Variants in FRMD4B observed in about 807,000 individuals in gnomAD.
The protein encoded by FRMD4B is FERM domain containing 4B, also known as FERM domain-containing protein 4B.
A neutral mutation model predicts 141.5 loss-of-function variants in FRMD4B; 74 were observed. That is an observed-to-expected ratio of 0.52 (90% CI 0.43 to 0.63). The LOEUF (loss-of-function observed/expected upper bound fraction) is 0.63, where lower values mean the gene tolerates loss of function less well. Among genes scored for constraint, FRMD4B ranks in the 30% least tolerant of loss-of-function variants. The pLI, the probability that FRMD4B is intolerant of heterozygous loss-of-function variation, is 0.00. For missense variants in FRMD4B, 1,366 were observed against 1,253.4 expected (o/e 1.09, Z -1.36); for synonymous variants, 506 against 467.9 (o/e 1.08, Z -1.05).
chr3:69,374,859 G>A (rs994817348), intron 1 of FRMD4B, among the ~76,000 whole-genome samples: 6 of 152,080 alleles, frequency 3.9e-5, no homozygotes, highest in Non-Finnish European at 8.8e-5. Context: ...GGTGGTGAGA[G>A]GAATGAGTCA....
At chr3:69,454,859 G>A (rs1056906096) in intron 1 of FRMD4B, among the ~76,000 whole-genome samples, 9 of 152,244 alleles carry the variant, frequency 5.9e-5, no homozygotes, top group South Asian at 2.1e-4. Context: ...TGGCCCCTGC[G>A]TGGGATCCAC....
At chr3:69,439,630 T>G (rs926856110) in intron 1 of FRMD4B, among the ~76,000 whole-genome samples, 3 of 152,164 alleles carry the variant, frequency 2.0e-5, no homozygotes, top group Non-Finnish European at 2.9e-5. Flanking sequence ...AGTAGAATCT[T>G]TGTGTGGTAG....
intron 1 of FRMD4B, among the ~76,000 whole-genome samples, chr3:69,506,990 A>G (rs1706606930): frequency 6.6e-6 from 1 of 152,220 alleles, no homozygotes; most frequent in Admixed American, 6.5e-5. Flanking sequence ...TCATATGATC[A>G]ATAAATTTTG....
Position 69,229,235 on chromosome 3 carries a change from T to C in FRMD4B, c.582-4545A>G, listed in dbSNP as rs537362928. On this transcript the variant is annotated intron_variant, in intron 7 of 22. Coordinates refer to ENST00000398540, the MANE Select transcript of FRMD4B (RefSeq NM_015123.3). ...GATATGGGGTCTCACTATGTTGACC[T>C]GGCTGATCTCAAACTCCTGGCCTCC... 1.6e-3 allele frequency among the ~76,000 whole-genome samples: 250 copies of C among 152,144 alleles called. 2 individuals carry two copies. Among genetic ancestry groups the C allele is most frequent in the African/African-American group, 5.6e-3 (233 of 41,504 alleles).
intron 1 of FRMD4B, among the ~76,000 whole-genome samples, chr3:69,348,044 G>A (rs573527741): frequency 6.6e-6 from 1 of 152,166 alleles, no homozygotes; most frequent in South Asian, 2.1e-4. Flanking sequence ...GAATCCAGGA[G>A]CTGGTTTTTT....
chr3:69,303,237 G>C (rs1032762246), intron 3 of FRMD4B, among the ~76,000 whole-genome samples: 8 of 151,942 alleles, frequency 5.3e-5, no homozygotes, highest in African/African-American at 1.7e-4. Flanking sequence ...ATGATCGCTC[G>C]AGCCCAGGTG....
chr3:69,466,524 A>G (rs1202901898), intron 1 of FRMD4B, among the ~76,000 whole-genome samples: 1 of 152,204 alleles, frequency 6.6e-6, no homozygotes, highest in African/African-American at 2.4e-5. Context: ...ATGTGCTTCA[A>G]AATAATAAGG....
intron 2 of FRMD4B, among the ~76,000 whole-genome samples, chr3:69,413,844 G>A (rs1479921774): frequency 6.6e-6 from 1 of 152,110 alleles, no homozygotes; most frequent in East Asian, 1.9e-4. Context: ...GAAGAAAATG[G>A]TGTAAACGGC....
chr3:69,175,552 C>G (rs1035380767), intron 22 of FRMD4B, among the ~76,000 whole-genome samples: 2 of 152,120 alleles, frequency 1.3e-5, no homozygotes, highest in Non-Finnish European at 2.9e-5. Flanking sequence ...TGAAATCCAG[C>G]CTACCAACTG....
chr3:69,425,295 G>C (rs927606697), intron 2 of FRMD4B, among the ~76,000 whole-genome samples: 1 of 152,186 alleles, frequency 6.6e-6, no homozygotes, highest in African/African-American at 2.4e-5. Flanking sequence ...CGTGCATGGA[G>C]TTAAAGTTCA....
intron 1 of FRMD4B, among the ~76,000 whole-genome samples, chr3:69,344,210 C>T (rs1328703544): frequency 6.6e-6 from 1 of 152,190 alleles, no homozygotes; most frequent in Non-Finnish European, 1.5e-5. Context: ...CCATTTCCAA[C>T]CTTGCCGTAC....
intron 2 of FRMD4B, among the ~76,000 whole-genome samples, chr3:69,416,088 G>C (rs1281369276): frequency 3.3e-5 from 5 of 152,224 alleles, no homozygotes; most frequent in Admixed American, 3.3e-4. Flanking sequence ...GGCATACCAA[G>C]TAGCTCAAAG....
Position 69,196,285 on chromosome 3 carries a change from T to C in FRMD4B, c.1204A>G (p.Met402Val), listed in dbSNP as rs767479518. 6.8e-6 allele frequency: 11 copies of C among 1,608,546 alleles called. No individual in the cohort carries two copies. Among genetic ancestry groups the C allele is most frequent in the Admixed American group, 5.1e-5 (3 of 58,488 alleles). The part of the protein sequence containing the change: ...VTLETKSQFI[M>V]ASNGSLISSG... Reference sequence around the variant, plus strand: ...GAGATTAAACTGCCATTACTTGCCATGATGAACTGACTTTTCGTCTCCAGT... The same window carrying C: ...GAGATTAAACTGCCATTACTTGCCACGATGAACTGACTTTTCGTCTCCAGT... Residue 402 changes from methionine (M) to valine (V), a missense_variant, in exon 14 of 23, where the codon ATG becomes GTG. By Grantham distance (21) the Met-to-Val change is conservative. Coordinates refer to ENST00000398540, the MANE Select transcript of FRMD4B (RefSeq NM_015123.3).
At chr3:69,197,169 A>C in intron 12 of FRMD4B, 131 bp from the exon 13 acceptor site, 1 of 593,072 alleles carries the variant, frequency 1.7e-6, no homozygotes, top group Non-Finnish European at 2.9e-6. Context: ...TCTTACGCAA[A>C]TGGGGACCAA....
rs183581745 is a variant in FRMD4B at position 69,262,353 on chromosome 3, T to G, written c.502-12254A>C. ...TATGGCTCAGCAATTTTCTCCTAAG[T>G]ATACACCTAGCAGACATGTTTGCAT... is the stretch of plus-strand genomic sequence containing the variant. On this transcript the variant is annotated intron_variant, in intron 5 of 22. Coordinates refer to ENST00000398540, the MANE Select transcript of FRMD4B (RefSeq NM_015123.3). 2.4e-3 allele frequency among the ~76,000 whole-genome samples: 360 copies of G among 151,920 alleles called. 1 individual carries two copies. The highest frequency in any genetic ancestry group is 3.9e-3 in the Non-Finnish European group (266 of 67,996).
chr3:69,504,091 ATG>A (rs1237612974), intron 1 of FRMD4B, among the ~76,000 whole-genome samples: 2 of 152,098 alleles, frequency 1.3e-5, no homozygotes, highest in African/African-American at 4.8e-5. Flanking sequence ...ATATTGGCAT[ATG>A]TTTTTTTGAG....
intron 7 of FRMD4B, among the ~76,000 whole-genome samples, chr3:69,238,816 T>C (rs1206803769): frequency 6.6e-6 from 1 of 152,124 alleles, no homozygotes; most frequent in African/African-American, 2.4e-5. Context: ...TTCCTTCCTT[T>C]CTGAAGGTAG....
At chr3:69,457,011 T>G (rs6549219) in intron 1 of FRMD4B, among the ~76,000 whole-genome samples, 52,700 of 152,096 alleles carry the variant, frequency 0.35, 9,672 homozygotes, top group African/African-American at 0.46. Context: ...GTTCGTTTTG[T>G]GCAGTCTAAT....
rs1002140699 is a variant in FRMD4B, at chr3:69,445,161, G to A, written c.-128-12400C>T. ...CCAGAAAGGGTTTGGAGCTTGCCCT[G>A]AACGGGTGTCTGCTGAAAAGGCTCA... On this transcript the variant is annotated intron_variant, in intron 1 of 5. Coordinates refer to the FRMD4B transcript ENST00000459638. Among the ~76,000 whole-genome samples the A allele has an allele frequency of 8.2e-4, 125 of 152,168 alleles. 1 individual carries two copies. Among genetic ancestry groups the A allele is most frequent in the Non-Finnish European group, 2.8e-4 (19 of 68,034 alleles).
Sources: gnomAD v4.1 joint callset for allele counts (sites outside exome capture counted in the v4.1 genomes callset) on GRCh38, gnomAD v4.1.1 for gene constraint, MANE v1.5 for transcripts, NCBI Gene and HGNC (gene_info 2026-07-23, HGNC 2026-07-21) for gene names.